The following SGCZ variants were observed in gnomAD, a reference collection of about 807,000 sequenced individuals.
SGCZ encodes sarcoglycan zeta, also known as zeta-sarcoglycan.
Under a neutral mutation model 41.3 loss-of-function variants are expected in SGCZ, and 40 were observed. That is an observed-to-expected ratio of 0.97 (90% CI 0.75 to 1.26). The LOEUF (loss-of-function observed/expected upper bound fraction) is 1.26. Ranked by LOEUF, SGCZ falls within the 50% of genes most tolerant of loss-of-function variation. The probability of loss-of-function intolerance (pLI) is 0.00; values close to 1 mark genes in which losing one functional copy is unlikely to be tolerated. For missense variants in SGCZ, 552 were observed against 369.8 expected (o/e 1.49, Z -4.04); for synonymous variants, 206 against 137.5 (o/e 1.50, Z -3.49).
At chr8:15,085,303 C>T (rs188029301) in intron 1 of SGCZ, among the ~76,000 whole-genome samples, 2 of 152,248 alleles carry the variant, frequency 1.3e-5, no homozygotes, top group African/African-American at 2.4e-5. Flanking sequence ...TGCCTAGCAC[C>T]TTAAATGAGT....
intron 1 of SGCZ, among the ~76,000 whole-genome samples, chr8:14,738,107 G>C (rs1465450131): frequency 2.0e-5 from 3 of 152,070 alleles, no homozygotes; most frequent in Non-Finnish European, 4.4e-5. Flanking sequence ...TATTGCTCTT[G>C]AGACGACCTC....
In SGCZ at chr8:14,582,696, C is replaced by G. The variant is rs535058097; in HGVS notation, c.40-27770G>C. Among the ~76,000 whole-genome samples the G allele has an allele frequency of 1.2e-4, 15 of 129,162 alleles. No individual in the cohort carries two copies. In the South Asian group the frequency reaches 3.8e-3, roughly 32 times the overall value. The allele number at this position is 129,162 out of a possible 152,430, so 84.7% of individuals were successfully genotyped here. A position where few individuals can be genotyped will look rare whatever the true frequency, so the allele number is the denominator to read the frequency against. On this transcript the variant is annotated intron_variant, in intron 1 of 7. Coordinates refer to ENST00000382080, the MANE Select transcript of SGCZ (RefSeq NM_139167.4). ...ACAACAGTCCCCAGAGTGTGATGTT[C>G]CCCTTCCTGTGTCCGTGTGTTCTCA...
chr8:14,673,190 T>G (rs1297011416), intron 1 of SGCZ, among the ~76,000 whole-genome samples: 1 of 152,252 alleles, frequency 6.6e-6, no homozygotes, highest in Non-Finnish European at 1.5e-5. Context: ...CTATACTGTC[T>G]TGTAAACATT....
chr8:14,175,004 G>C (rs953707793), intron 4 of SGCZ, among the ~76,000 whole-genome samples: 1 of 152,022 alleles, frequency 6.6e-6, no homozygotes, highest in African/African-American at 2.4e-5. Flanking sequence ...TTTTAACTTG[G>C]ATATTTTTAT....
At chr8:15,001,200 C>CGA (rs147906268) in intron 1 of SGCZ, among the ~76,000 whole-genome samples, 3 of 151,784 alleles carry the variant, frequency 2.0e-5, no homozygotes, top group African/African-American at 4.8e-5. Context: ...GCAATTTTGA[C>CGA]GAGAGAGAGA....
Position 15,015,726 on chromosome 8 carries a change from C to CGTGTGTGT in SGCZ, c.39+221851_39+221858dup, listed in dbSNP as rs60624490. On this transcript the variant is annotated intron_variant, in intron 1 of 7. Coordinates refer to ENST00000382080, the MANE Select transcript of SGCZ (RefSeq NM_139167.4). ...AAAGAAAAGAAAAAAGAAATATACA[C>CGTGTGTGT]GTGTGTGTGTGTGTGTGTGTGTGTG... Among the ~76,000 whole-genome samples the CGTGTGTGT allele has an allele frequency of 1.2e-3, 148 of 125,166 alleles. 1 individual carries two copies. Among genetic ancestry groups the CGTGTGTGT allele is most frequent in the African/African-American group, 4.3e-3 (147 of 34,534 alleles). 82.1% of individuals were successfully genotyped at this position (125,166 alleles called of 152,430 possible). A position where few individuals can be genotyped will look rare whatever the true frequency, so the allele number is the denominator to read the frequency against.
intron 1 of SGCZ, among the ~76,000 whole-genome samples, chr8:14,594,336 G>C (rs946002472): frequency 1.3e-5 from 2 of 151,588 alleles, no homozygotes; most frequent in African/African-American, 2.4e-5. Flanking sequence ...ACTGGTCCAG[G>C]TACCTAACCT....
chr8:14,792,378 G>T (rs1000356472), intron 1 of SGCZ, among the ~76,000 whole-genome samples: 1 of 151,904 alleles, frequency 6.6e-6, no homozygotes, highest in African/African-American at 2.4e-5. Context: ...GTCCCCTTTT[G>T]TAGAAAAGAA....
intron 1 of SGCZ, among the ~76,000 whole-genome samples, chr8:14,639,679 AT>A (rs1227874418): frequency 6.6e-6 from 1 of 151,776 alleles, no homozygotes; most frequent in East Asian, 1.9e-4. Flanking sequence ...TATGAAAGCA[AT>A]CATGAATACT....
At chr8:14,133,496 T>A (rs1281926089) in intron 5 of SGCZ, among the ~76,000 whole-genome samples, 1 of 152,092 alleles carries the variant, frequency 6.6e-6, no homozygotes, top group East Asian at 1.9e-4. Flanking sequence ...ATACAATAAT[T>A]TGTGCATAAG....
chr8:14,729,081 C>T (rs1298793706), intron 1 of SGCZ, among the ~76,000 whole-genome samples: 1 of 152,026 alleles, frequency 6.6e-6, no homozygotes, highest in African/African-American at 2.4e-5. Context: ...TTCATATTAC[C>T]ATGTGACAAA....
chr8:14,268,015 T>A (rs1020086964), intron 3 of SGCZ, among the ~76,000 whole-genome samples: 5 of 151,568 alleles, frequency 3.3e-5, no homozygotes, highest in African/African-American at 1.2e-4. Context: ...TATATTTATA[T>A]AAAATAAAGT....
chr8:14,933,836 G>A (rs905483870), intron 1 of SGCZ, among the ~76,000 whole-genome samples: 1 of 151,942 alleles, frequency 6.6e-6, no homozygotes, highest in Non-Finnish European at 1.5e-5. Flanking sequence ...GCCAGTGCTC[G>A]TACCATACCA....
At chr8:15,014,924 T>C (rs562145977) in intron 1 of SGCZ, among the ~76,000 whole-genome samples, 1 of 152,280 alleles carries the variant, frequency 6.6e-6, no homozygotes, top group African/African-American at 2.4e-5. Flanking sequence ...ACCGCAAACC[T>C]GGTCTTCTCA....
rs975339360 is a variant in SGCZ, at chr8:14,643,603, C to G, written c.40-88677G>C. On this transcript the variant is annotated intron_variant, in intron 1 of 7. Transcript: ENST00000382080. ...AATAAATGGATGATAATGACTCCAC[C>G]TCCAACCTATTCCCTCATAACTATA... 2.0e-5 allele frequency among the ~76,000 whole-genome samples: 3 copies of G among 151,388 alleles called. No homozygotes were observed. The South Asian group carries it at 6.2e-4, about 31-fold the overall frequency.
chr8:14,252,626 T>C (rs1365646), intron 3 of SGCZ, among the ~76,000 whole-genome samples: 101,733 of 151,990 alleles, frequency 0.67, 34,461 homozygotes, highest in South Asian at 0.79. Flanking sequence ...GTTTGTATTG[T>C]ACCTGCTAAG....
chr8:14,970,370 G>T (rs1323117692), intron 1 of SGCZ, among the ~76,000 whole-genome samples: 1 of 152,118 alleles, frequency 6.6e-6, no homozygotes, highest in African/African-American at 2.4e-5. Context: ...CTCCTTGGTA[G>T]ATTTTGATTT....
At chr8:15,054,284 T>C (rs1804624557) in intron 1 of SGCZ, among the ~76,000 whole-genome samples, 1 of 152,234 alleles carries the variant, frequency 6.6e-6, no homozygotes, top group Admixed American at 6.5e-5. Context: ...CCTTCTGATG[T>C]TAATTCATAT....
At chr8:14,691,973 T>C (rs925788749) in intron 1 of SGCZ, among the ~76,000 whole-genome samples, 3 of 151,994 alleles carry the variant, frequency 2.0e-5, no homozygotes, top group Non-Finnish European at 4.4e-5. Context: ...AATTGATACG[T>C]GAAATATTAG....
Sources: gnomAD v4.1 joint callset for allele counts (sites outside exome capture counted in the v4.1 genomes callset) on GRCh38, gnomAD v4.1.1 for gene constraint, MANE v1.5 for transcripts, NCBI Gene and HGNC (gene_info 2026-07-23, HGNC 2026-07-21) for gene names.